Variants in PLXNA4 observed in about 807,000 individuals in gnomAD.
PLXNA4 encodes the protein plexin A4.
A neutral mutation model predicts 191.8 loss-of-function variants in PLXNA4; 44 were observed. That is an observed-to-expected ratio of 0.23 (90% CI 0.18 to 0.29). The LOEUF (loss-of-function observed/expected upper bound fraction) is 0.29. Among genes scored for constraint, PLXNA4 ranks in the 10% least tolerant of loss-of-function variants. The pLI is 1.00. For missense variants in PLXNA4, 1,800 were observed against 2,488.8 expected (o/e 0.72, Z 5.89); for synonymous variants, 1,082 against 1,009.5 (o/e 1.07, Z -1.36).
intron 3 of PLXNA4, among the ~76,000 whole-genome samples, chr7:132,311,605 A>C (rs1327777365): frequency 2.0e-5 from 3 of 152,320 alleles, no homozygotes; most frequent in Non-Finnish European, 2.9e-5. Flanking sequence ...GCTTCTTTGA[A>C]GAGTGGGCCT....
chr7:132,172,935 T>TC (rs1796336772), intron 21 of PLXNA4, among the ~76,000 whole-genome samples: 1 of 152,278 alleles, frequency 6.6e-6, no homozygotes, highest in Middle Eastern at 3.4e-3. Context: ...AGACATAATT[T>TC]CCCGTCCTAC....
chr7:132,149,648 C>T, intron 25 of PLXNA4, among the ~76,000 whole-genome samples: 1 of 152,216 alleles, frequency 6.6e-6, no homozygotes, highest in East Asian at 1.9e-4. Context: ...GGTTTCCAGG[C>T]AGCCCAGATC....
At position 132,225,621 on chromosome 7, in the gene PLXNA4, C is replaced by CA. The variant is rs547266972; in HGVS notation, c.1982+539_1982+540insT. 2.2e-3 allele frequency among the ~76,000 whole-genome samples: 331 copies of CA among 151,450 alleles called. 3 individuals are homozygous for CA. Among genetic ancestry groups the CA allele is most frequent in the African/African-American group, 6.9e-3 (284 of 41,406 alleles). ...TGACCCCTAAGCCAGAGTCCGCCCC[C>CA]CCCCACAGCTTTCTGCCTCCCTCTG... On this transcript the variant is annotated intron_variant, in intron 8 of 31. Transcript: ENST00000321063.
At chr7:132,384,547 G>A (rs958353560) in intron 3 of PLXNA4, 3 of 986,502 alleles carry the variant, frequency 3.0e-6, no homozygotes, top group Admixed American at 6.0e-5. Context: ...AACTTTTTTT[G>A]GGTGCTCTCC....
intron 2 of PLXNA4, among the ~76,000 whole-genome samples, chr7:132,496,748 G>A (rs985534815): frequency 6.6e-6 from 1 of 152,074 alleles, no homozygotes; most frequent in African/African-American, 2.4e-5. Flanking sequence ...TTAGAGGGTG[G>A]TCCCAAAGAC....
intron 3 of PLXNA4, among the ~76,000 whole-genome samples, chr7:132,396,651 C>T (rs1342801258): frequency 1.3e-5 from 2 of 152,100 alleles, no homozygotes; most frequent in African/African-American, 2.4e-5. Context: ...CAACCATGGC[C>T]GACTAATTTT....
intron 31 of PLXNA4, 146 bp downstream of exon 31, chr7:132,132,903 G>A: frequency 4.2e-6 from 5 of 1,189,922 alleles, no homozygotes; most frequent in Non-Finnish European, 5.7e-6. Context: ...CCAGCCTTTG[G>A]ATCACAGCCC....
rs1176478475 is a variant in PLXNA4, at chr7:132,540,079, AG to A, written c.-86-31301del. Among the ~76,000 whole-genome samples, 8 of 152,344 alleles carry A rather than the reference AG, an allele frequency of 5.3e-5. No homozygotes were observed. The East Asian group carries it at 1.5e-3, about 29-fold the overall frequency. ...CTTGGCTTTTAGGATCCAGAGGGTC[AG>A]GGATGCTCCTCTTGCACTGTGTAAG... On this transcript the variant is annotated intron_variant, in intron 1 of 31. Coordinates refer to ENST00000321063, the MANE Select transcript of PLXNA4 (RefSeq NM_020911.2).
chr7:132,170,330 G>A (rs879447607), intron 21 of PLXNA4, among the ~76,000 whole-genome samples: 1 of 152,160 alleles, frequency 6.6e-6, no homozygotes, highest in Non-Finnish European at 1.5e-5. Context: ...AAAGCCCCAA[G>A]ACACAGAAGG....
intron 2 of PLXNA4, among the ~76,000 whole-genome samples, chr7:132,591,427 G>C (rs1173251346): frequency 6.6e-6 from 1 of 152,156 alleles, no homozygotes; most frequent in Non-Finnish European, 1.5e-5. Context: ...AATTATGAGT[G>C]CCTAATGTCT....
Position 132,643,046 on chromosome 7 carries a change from G to A in PLXNA4, c.-87+2882C>T, listed in dbSNP as rs569544602. Among the ~76,000 whole-genome samples the A allele has an allele frequency of 3.3e-5, 5 of 151,212 alleles. No individual in the cohort carries two copies. In the East Asian group the frequency reaches 9.9e-4, roughly 30 times the overall value. ...TATTAGGTGGCTGGGGATGGGGTGG[G>A]AGGGAGAATTTCAATGGTCTGCCAT... On this transcript the variant is annotated intron_variant, in intron 2 of 4. Transcript: ENST00000378539.
At chr7:132,160,194 T>A (rs893878317) in intron 24 of PLXNA4, among the ~76,000 whole-genome samples, 2 of 152,212 alleles carry the variant, frequency 1.3e-5, no homozygotes, top group African/African-American at 4.8e-5. Context: ...GAAGGTTTCA[T>A]TCACCTGATT....
At chr7:132,447,795 C>A (rs933650346) in intron 3 of PLXNA4, among the ~76,000 whole-genome samples, 1 of 151,178 alleles carries the variant, frequency 6.6e-6, no homozygotes, top group African/African-American at 2.4e-5. Flanking sequence ...TAAGACCAGC[C>A]TGGACAACAT....
intron 1 of PLXNA4, among the ~76,000 whole-genome samples, chr7:132,535,925 C>T (rs910362464): frequency 6.6e-6 from 1 of 152,146 alleles, no homozygotes; most frequent in African/African-American, 2.4e-5. Context: ...GAGGGAAAAA[C>T]TGGGGTTTAC....
chr7:132,416,404 T>C (rs1794662170), intron 3 of PLXNA4, among the ~76,000 whole-genome samples: 1 of 152,194 alleles, frequency 6.6e-6, no homozygotes, highest in South Asian at 2.1e-4. Flanking sequence ...TTTTCATACA[T>C]TACAATAAGG....
At chr7:132,154,687 C>T (rs1795742911) in intron 25 of PLXNA4, among the ~76,000 whole-genome samples, 2 of 143,926 alleles carry the variant, frequency 1.4e-5, no homozygotes, top group Non-Finnish European at 3.2e-5. Flanking sequence ...TGGCTCCAGA[C>T]AGTGTGGTGG....
intron 5 of PLXNA4, among the ~76,000 whole-genome samples, chr7:132,230,254 G>A (rs148572167): frequency 9.1e-4 from 139 of 152,266 alleles, no homozygotes; most frequent in Middle Eastern, 3.4e-3. Flanking sequence ...TAGAGCCTAC[G>A]GAGCTCTACC....
At chr7:132,385,071 T>C in intron 3 of PLXNA4, 1 of 1,519,604 alleles carries the variant, frequency 6.6e-7, no homozygotes, top group Non-Finnish European at 8.8e-7. Flanking sequence ...TGGCAGGACA[T>C]GAGCTATGAT....
chr7:132,190,183 T>A (rs1157527179), intron 14 of PLXNA4, among the ~76,000 whole-genome samples: 5 of 152,208 alleles, frequency 3.3e-5, no homozygotes, highest in African/African-American at 7.2e-5. Flanking sequence ...CAGATCCACA[T>A]GGAAAATTAT....
Sources: allele counts gnomAD v4.1 joint callset (sites outside exome capture counted in the v4.1 genomes callset), GRCh38; gene constraint gnomAD v4.1.1; transcripts MANE v1.5; gene names NCBI Gene and HGNC (gene_info 2026-07-23, HGNC 2026-07-21).